TRIM69: variants seen among roughly 807,000 people sequenced by gnomAD.
TRIM69 encodes tripartite motif containing 69.
Under a neutral mutation model 37.7 loss-of-function variants are expected in TRIM69, and 29 were observed. That is an observed-to-expected ratio of 0.77 (90% CI 0.57 to 1.05). The LOEUF is 1.05. Ranked by LOEUF, TRIM69 falls within the 50% of genes least tolerant of loss-of-function variation. The pLI, the probability that TRIM69 is intolerant of heterozygous loss-of-function variation, is 0.00. For missense variants in TRIM69, 596 were observed against 579.9 expected (o/e 1.03, Z -0.28); for synonymous variants, 209 against 212.4 (o/e 0.98, Z 0.14).
intron 1 of TRIM69, among the ~76,000 whole-genome samples, chr15:44,736,993 T>C (rs2087176186): frequency 6.6e-6 from 1 of 152,192 alleles, no homozygotes; most frequent in African/African-American, 2.4e-5. Flanking sequence ...ATGTAATCAT[T>C]TTATTTTAGA....
rs375115850 is a variant in TRIM69 at position 44,762,035 on chromosome 15, G to A, written c.961+2163G>A. ...CCAGGCTGGAGTGTGGTGCAATCTCGGCTCACTGCAAGCTCCGCCTCCCAG... is the reference window on the plus strand; with the variant it reads ...CCAGGCTGGAGTGTGGTGCAATCTCAGCTCACTGCAAGCTCCGCCTCCCAG... On this transcript the variant is annotated intron_variant, in intron 6 of 6. Transcript: ENST00000329464. Among the ~76,000 whole-genome samples the A allele has an allele frequency of 2.2e-3, 339 of 151,872 alleles. 1 individual carries two copies. Among genetic ancestry groups the A allele is most frequent in the African/African-American group, 8.0e-3 (331 of 41,428 alleles).
At chr15:44,763,466 G>A (rs1447099011) in intron 6 of TRIM69, among the ~76,000 whole-genome samples, 1 of 152,136 alleles carries the variant, frequency 6.6e-6, no homozygotes, top group African/African-American at 2.4e-5. Flanking sequence ...TTTCTCCACT[G>A]TACTCTTTTT....
At chr15:44,740,595 G>C (rs996987032) in intron 1 of TRIM69, among the ~76,000 whole-genome samples, 4 of 151,824 alleles carry the variant, frequency 2.6e-5, no homozygotes, top group Non-Finnish European at 5.9e-5. Flanking sequence ...GACACACATA[G>C]GCTCAAAATG....
chr15:44,740,274 A>T (rs550672983), intron 1 of TRIM69, among the ~76,000 whole-genome samples: 92 of 152,334 alleles, frequency 6.0e-4, no homozygotes, highest in African/African-American at 2.2e-3. Flanking sequence ...AACCGCAAAG[A>T]TGGGGAAAAA....
intron 1 of TRIM69, among the ~76,000 whole-genome samples, chr15:44,746,026 A>G (rs2087399333): frequency 8.9e-6 from 1 of 112,316 alleles, no homozygotes; most frequent in Non-Finnish European, 1.9e-5. Flanking sequence ...CTATACATCA[A>G]AGAAGCTCAA....
chr15:44,737,707 G>A (rs2087190885), intron 1 of TRIM69, among the ~76,000 whole-genome samples: 1 of 152,156 alleles, frequency 6.6e-6, no homozygotes. Flanking sequence ...AAGCAGGAGT[G>A]TGTCTTGCTC....
chr15:44,759,932 ACTT>A (rs1469983352), intron 6 of TRIM69, 60 bp downstream of exon 6: 2 of 1,560,936 alleles, frequency 1.3e-6, no homozygotes, highest in East Asian at 4.5e-5. Context: ...AATCTGTGGG[ACTT>A]CTTCTGTGGC....
intron 6 of TRIM69, among the ~76,000 whole-genome samples, chr15:44,766,852 T>G (rs1265562581): frequency 6.6e-6 from 1 of 150,522 alleles, no homozygotes; most frequent in African/African-American, 2.4e-5. Context: ...GGGCCAGGAG[T>G]TCAAGGCCAG....
chr15:44,761,458 T>C (rs1011638529), intron 6 of TRIM69, among the ~76,000 whole-genome samples: 2 of 152,166 alleles, frequency 1.3e-5, no homozygotes. Context: ...TTTTAATTTG[T>C]ATATCTCTTG....
chr15:44,758,659 G>A lies in TRIM69; in HGVS notation c.618G>A (p.Glu206=). 6.2e-7 allele frequency: 1 copy of A among 1,614,156 alleles called. No homozygotes were observed. Among genetic ancestry groups the A allele is most frequent in the Non-Finnish European group, 8.5e-7 (1 of 1,180,008 alleles). The change falls in exon 4 of 7, where the codon GAG becomes GAA. Residue 206 remains glutamate (E), a synonymous_variant. Transcript: ENST00000329464. ...KLHLQQHVSM[E]FLKLHQFLHS... is the part of the protein sequence containing the mutation. ...ATCTGCAGCAACATGTGTCCATGGA[G>A]TTTCTAAAGCTGCATCAGTTCCTGC...
chr15:44,738,050 CTTTCTTTT>C (rs1555392678), intron 1 of TRIM69, among the ~76,000 whole-genome samples: 1,878 of 117,918 alleles, frequency 0.016, 21 homozygotes, highest in Non-Finnish European at 0.022. Context: ...TACTTTCTTT[CTTTCTTTT>C]TTTTTTTTTT....
chr15:44,744,636 C>T (rs1004785230), intron 1 of TRIM69, among the ~76,000 whole-genome samples: 1 of 152,040 alleles, frequency 6.6e-6, no homozygotes, highest in Non-Finnish European at 1.5e-5. Context: ...AACTTTTTAA[C>T]ACTTTAACTT....
Position 44,767,522 on chromosome 15 carries a change from TAAGGAACCA to T in TRIM69, c.1256_1264del (p.Arg419_Gln421del), listed in dbSNP as rs765080946. 6.2e-7 allele frequency: 1 copy of T among 1,614,206 alleles called. No individual in the cohort carries two copies. Among genetic ancestry groups the T allele is most frequent in the Non-Finnish European group, 8.5e-7 (1 of 1,180,038 alleles). ...GAGCAAGGATTCTGGCTTTTAAGAC[TAAGGAACCA>T]AACTGATCTAAAGGCTCTGGATTTG... On this transcript the variant is annotated inframe_deletion, in exon 7 of 7. Coordinates refer to ENST00000329464, the MANE Select transcript of TRIM69 (RefSeq NM_182985.5).
chr15:44,751,431 T>G (rs2087528431), intron 1 of TRIM69, among the ~76,000 whole-genome samples: 1 of 152,022 alleles, frequency 6.6e-6, no homozygotes, highest in South Asian at 2.1e-4. Context: ...AAAAAATTAT[T>G]ATTTATAATT....
At chr15:44,756,332 G>A (rs373985174) in intron 2 of TRIM69, 36 bp from the exon 3 acceptor site, 113 of 1,434,772 alleles carry the variant, frequency 7.9e-5, no homozygotes, top group East Asian at 7.2e-4. Flanking sequence ...TTCATCTCCC[G>A]AGTTAGTCTG....
Position 44,767,456 on chromosome 15 carries a change from G to A in TRIM69, c.1187G>A (p.Arg396Lys), listed in dbSNP as rs547740712. Reference sequence around the variant, plus strand: ...ACAAAATGGACAGTTGGAGTTGTCAGAGAATCCATCATTCGGAAGGGCAGC... The same window carrying A: ...ACAAAATGGACAGTTGGAGTTGTCAAAGAATCCATCATTCGGAAGGGCAGC... ...KKTKWTVGVV[R>K]ESIIRKGSCP... Residue 396 changes from arginine (R) to lysine (K), a missense_variant, in exon 7 of 7, where the codon AGA becomes AAA. By Grantham distance (26) the Arg-to-Lys change is conservative. Coordinates refer to ENST00000329464, the MANE Select transcript of TRIM69 (RefSeq NM_182985.5). 7.4e-6 allele frequency: 12 copies of A among 1,614,222 alleles called. No individual in the cohort carries two copies. The highest frequency in any genetic ancestry group is 3.3e-5 in the Admixed American group (2 of 60,028).
chr15:44,742,051 T>C (rs1596015006), intron 1 of TRIM69, among the ~76,000 whole-genome samples: 1 of 152,038 alleles, frequency 6.6e-6, no homozygotes, highest in African/African-American at 2.4e-5. Flanking sequence ...TGATGAACAT[T>C]GATGCAAAAA....
chr15:44,755,159 A>G lies in TRIM69; in HGVS notation c.266A>G (p.Asn89Ser). The change falls in exon 2 of 7, where the codon AAC becomes AGC. Residue 89 changes from asparagine to serine, a missense_variant. Transcript: ENST00000329464. ...PECKMLCQYN[N>S]CTFNPVLDKL... ...TGTAAGATGCTATGTCAGTATAACA[A>G]CTGTACATTCAACCCTGTACTGGAC... 1 of 1,614,238 alleles carries G rather than the reference A, an allele frequency of 6.2e-7. No homozygotes were observed. Among genetic ancestry groups the G allele is most frequent in the Non-Finnish European group, 8.5e-7 (1 of 1,180,030 alleles).
intron 6 of TRIM69, among the ~76,000 whole-genome samples, chr15:44,765,597 A>G (rs2087867456): frequency 6.6e-6 from 1 of 151,538 alleles, no homozygotes; most frequent in African/African-American, 2.4e-5. Flanking sequence ...CTAAAATTAC[A>G]AAAAATATCA....
Sources: gnomAD v4.1 joint callset for allele counts (sites outside exome capture counted in the v4.1 genomes callset) on GRCh38, gnomAD v4.1.1 for gene constraint, MANE v1.5 for transcripts, NCBI Gene and HGNC (gene_info 2026-07-23, HGNC 2026-07-21) for gene names.